The following CHSY1 variants were observed in gnomAD, a reference collection of about 807,000 sequenced individuals.
CHSY1 encodes the protein chondroitin sulfate synthase 1, also known as N-acetylgalactosaminyl-proteoglycan 3-beta-glucuronosyltransferase 1.
A neutral mutation model predicts 59.8 loss-of-function variants in CHSY1; 13 were observed. The observed-to-expected ratio is 0.22, with a 90% CI of 0.14 to 0.35. CHSY1 has a LOEUF of 0.35. Among genes scored for constraint, CHSY1 ranks in the 10% least tolerant of loss-of-function variants. CHSY1 has a pLI of 1.00. For synonymous variants in CHSY1, 459 were observed against 401.2 expected (o/e 1.14, Z -1.72); for missense variants, 947 against 1,030.6 (o/e 0.92, Z 1.11).
intron 1 of CHSY1, among the ~76,000 whole-genome samples, chr15:101,249,515 T>TC (rs2141284676): frequency 7.0e-6 from 1 of 143,658 alleles, no homozygotes; most frequent in East Asian, 2.0e-4. Flanking sequence ...ATAGAATTTT[T>TC]TTTTTTTTTT....
intron 2 of CHSY1, among the ~76,000 whole-genome samples, chr15:101,198,024 G>A (rs1567092824): frequency 6.6e-6 from 1 of 152,148 alleles, no homozygotes; most frequent in Non-Finnish European, 1.5e-5. Context: ...CATCGCCAAT[G>A]TATCTGTCCC....
intron 2 of CHSY1, among the ~76,000 whole-genome samples, chr15:101,218,440 T>C (rs2038756653): frequency 6.6e-6 from 1 of 151,926 alleles, no homozygotes; most frequent in Non-Finnish European, 1.5e-5. Flanking sequence ...CTACTAAAAA[T>C]ACAAAAAATT....
intron 2 of CHSY1, among the ~76,000 whole-genome samples, chr15:101,222,059 C>A (rs2038794360): frequency 6.6e-6 from 1 of 152,118 alleles, no homozygotes; most frequent in Non-Finnish European, 1.5e-5. Flanking sequence ...AAATTTTTTA[C>A]AGTAATAACA....
intron 2 of CHSY1, among the ~76,000 whole-genome samples, chr15:101,207,356 C>T (rs566422341): frequency 6.6e-6 from 1 of 152,370 alleles, no homozygotes; most frequent in East Asian, 1.9e-4. Flanking sequence ...ACTTCGCCAA[C>T]TAACAACAGT....
chr15:101,248,116 A>G (rs1239998781), intron 1 of CHSY1, among the ~76,000 whole-genome samples: 1 of 152,224 alleles, frequency 6.6e-6, no homozygotes, highest in Non-Finnish European at 1.5e-5. Flanking sequence ...GGAGAAATGT[A>G]AAGCTCAGCA....
chr15:101,226,946 T>C (rs921311156), intron 2 of CHSY1, among the ~76,000 whole-genome samples: 4 of 152,252 alleles, frequency 2.6e-5, no homozygotes, highest in African/African-American at 9.6e-5. Flanking sequence ...TGCTTTTAGG[T>C]GACATCAGTG....
At chr15:101,189,228 C>T (rs1033457414) in intron 2 of CHSY1, among the ~76,000 whole-genome samples, 62 of 152,224 alleles carry the variant, frequency 4.1e-4, no homozygotes, top group African/African-American at 1.4e-3. Context: ...TTTCTAAACC[C>T]GGCCCACCCA....
chr15:101,208,763 G>A (rs2038653885), intron 2 of CHSY1, among the ~76,000 whole-genome samples: 1 of 150,692 alleles, frequency 6.6e-6, no homozygotes, highest in African/African-American at 2.4e-5. Context: ...AGCAGCCACT[G>A]GACACGTCTA....
rs892627220 is a variant in CHSY1, at chr15:101,178,113, T to A, written c.1684A>T (p.Asn562Tyr). ...GNFEKTCLIP[N>Y]QNVKLVVLLF... ...AGAACCACGAGCTTGACGTTCTGAT[T>A]GGGGATAAGACACGTCTTCTCAAAG... Residue 562 changes from asparagine to tyrosine, a missense_variant, in exon 3 of 3, where the codon AAT becomes TAT. By Grantham distance (143) the Asn-to-Tyr change is moderately radical (BLOSUM62 -2). This residue lies in a region of CHSY1 where 602 missense variants were observed against 676.9 expected (regional missense o/e 0.89). Coordinates refer to ENST00000254190, the MANE Select transcript of CHSY1 (RefSeq NM_014918.5). 4 of 1,614,044 alleles carry A rather than the reference T, an allele frequency of 2.5e-6. No homozygotes were observed. The highest frequency in any genetic ancestry group is 3.4e-6 in the Non-Finnish European group (4 of 1,180,008).
chr15:101,223,140 C>A (rs564538423), intron 2 of CHSY1, among the ~76,000 whole-genome samples: 1 of 152,154 alleles, frequency 6.6e-6, no homozygotes, highest in African/African-American at 2.4e-5. Flanking sequence ...ATTACAGGCA[C>A]CCACCACCAC....
chr15:101,206,511 C>T (rs573502582), intron 2 of CHSY1, among the ~76,000 whole-genome samples: 7 of 152,244 alleles, frequency 4.6e-5, no homozygotes, highest in South Asian at 2.1e-4. Flanking sequence ...CACCAAGATC[C>T]GTTTCCCATG....
At chr15:101,185,302 T>C (rs999186669) in intron 2 of CHSY1, among the ~76,000 whole-genome samples, 6 of 152,216 alleles carry the variant, frequency 3.9e-5, no homozygotes, top group African/African-American at 1.4e-4. Flanking sequence ...TCATACATCA[T>C]CTGTGATTTC....
chr15:101,194,603 G>A (rs1302406466), intron 2 of CHSY1, among the ~76,000 whole-genome samples: 1 of 152,130 alleles, frequency 6.6e-6, no homozygotes, highest in Admixed American at 6.5e-5. Context: ...AACGGAAGAG[G>A]ATGCGACAGC....
chr15:101,190,748 T>C (rs1380575265), intron 2 of CHSY1, among the ~76,000 whole-genome samples: 3 of 152,180 alleles, frequency 2.0e-5, no homozygotes, highest in South Asian at 2.1e-4. Context: ...AACTCAAAAA[T>C]AGGAAAACAA....
chr15:101,201,597 A>C (rs1257329723), intron 2 of CHSY1, among the ~76,000 whole-genome samples: 6 of 152,078 alleles, frequency 3.9e-5, no homozygotes. Context: ...AGGCAGGAAG[A>C]CTCCAAGAGG....
At chr15:101,247,267 C>T (rs1344767837) in intron 1 of CHSY1, among the ~76,000 whole-genome samples, 1 of 152,100 alleles carries the variant, frequency 6.6e-6, no homozygotes, top group Non-Finnish European at 1.5e-5. Context: ...TGGGACTTCC[C>T]GGTGCTTCCT....
At chr15:101,216,129 G>A (rs1318235721) in intron 2 of CHSY1, among the ~76,000 whole-genome samples, 1 of 152,088 alleles carries the variant, frequency 6.6e-6, no homozygotes, top group Non-Finnish European at 1.5e-5. Flanking sequence ...CCAAATAAAA[G>A]CACCTCAGCC....
intron 2 of CHSY1, chr15:101,188,153 A>G (rs553165660): frequency 2.0e-5 from 20 of 985,470 alleles, no homozygotes; most frequent in African/African-American, 3.5e-5. Flanking sequence ...CAGAGCGACA[A>G]CTTCCCATTC....
chr15:101,239,610 T>C (rs959080607), intron 1 of CHSY1, among the ~76,000 whole-genome samples: 2 of 152,148 alleles, frequency 1.3e-5, no homozygotes, highest in East Asian at 3.8e-4. Context: ...AGACAAGAGT[T>C]TGCAAATCAA....
Sources: allele counts gnomAD v4.1 joint callset (sites outside exome capture counted in the v4.1 genomes callset), GRCh38; gene constraint gnomAD v4.1.1; regional missense constraint gnomAD v4.1.1; transcripts MANE v1.5; gene names NCBI Gene and HGNC (gene_info 2026-07-23, HGNC 2026-07-21).